Variants in PPP2R1B observed in about 807,000 individuals in gnomAD.
PPP2R1B encodes the protein serine/threonine-protein phosphatase 2A 65 kDa regulatory subunit A beta isoform.
Under a neutral mutation model 72.7 loss-of-function variants are expected in PPP2R1B, and 58 were observed. That is an observed-to-expected ratio of 0.80 (90% CI 0.65 to 0.99). PPP2R1B has a LOEUF of 0.99. PPP2R1B is among the 50% of genes least tolerant of loss of function. PPP2R1B has a pLI of 0.00. For synonymous variants in PPP2R1B, 256 were observed against 264.6 expected (o/e 0.97, Z 0.32); for missense variants, 695 against 733.6 (o/e 0.95, Z 0.61).
chr11:111,748,104 C>T, intron 10 of PPP2R1B, 90 bp from the exon 11 acceptor site: 1 of 1,150,036 alleles, frequency 8.7e-7, no homozygotes, highest in Non-Finnish European at 1.2e-6. Context: ...TACCTGAAGG[C>T]TAAAAAAACT....
chr11:111,690,169 C>A, the PPP2R1B span, among the ~76,000 whole-genome samples: 1,238 of 151,524 alleles, frequency 8.2e-3, 11 homozygotes, highest in Non-Finnish European at 0.014. Context: ...TTATTTCACT[C>A]TTTTTTGCCA....
the PPP2R1B span, among the ~76,000 whole-genome samples, chr11:111,701,800 T>G: frequency 6.6e-6 from 1 of 152,230 alleles, no homozygotes; most frequent in East Asian, 1.9e-4. This position sits in a 1 kb window ranked among gnomAD's most constrained non-coding sequence, Gnocchi z 4.2. Context: ...AAGAGCAGCA[T>G]GTCTTCTCAT....
the PPP2R1B span, among the ~76,000 whole-genome samples, chr11:111,714,534 G>T: frequency 5.3e-5 from 8 of 152,240 alleles, no homozygotes; most frequent in African/African-American, 1.9e-4. Context: ...GTCCAGGAGG[G>T]AGGTGATGAG....
the PPP2R1B span, among the ~76,000 whole-genome samples, chr11:111,694,677 CG>C: frequency 6.6e-6 from 1 of 152,074 alleles, no homozygotes; most frequent in Non-Finnish European, 1.5e-5. Flanking sequence ...ACTAGCATTA[CG>C]TAAAAAGTAA....
downstream of PPP2R1B, among the ~76,000 whole-genome samples, chr11:111,734,895 G>A (rs1944295368): frequency 6.6e-6 from 1 of 152,232 alleles, no homozygotes; most frequent in African/African-American, 2.4e-5. Flanking sequence ...AGATGCTAGA[G>A]GCTGGCTCTA....
At chr11:111,762,674 T>C (rs1215332731) in intron 3 of PPP2R1B, among the ~76,000 whole-genome samples, 1 of 151,438 alleles carries the variant, frequency 6.6e-6, no homozygotes, top group Non-Finnish European at 1.5e-5. Context: ...GCGTCCCGAA[T>C]AGCTAGGACT....
At chr11:111,713,233 G>T in the PPP2R1B span, among the ~76,000 whole-genome samples, 621 of 152,272 alleles carry the variant, frequency 4.1e-3, 5 homozygotes, top group African/African-American at 0.014. Flanking sequence ...GGATACAGAA[G>T]ATGACAGCTT....
At chr11:111,704,796 A>C in the PPP2R1B span, among the ~76,000 whole-genome samples, 1 of 152,208 alleles carries the variant, frequency 6.6e-6, no homozygotes, top group Non-Finnish European at 1.5e-5. Context: ...TCCTTTATAT[A>C]ATTAATACTA....
the PPP2R1B span, among the ~76,000 whole-genome samples, chr11:111,698,355 C>T: frequency 4.6e-5 from 7 of 152,336 alleles, no homozygotes; most frequent in East Asian, 1.3e-3. Flanking sequence ...ACCTTCTTGA[C>T]AGGCCTCTGT....
Position 111,764,879 on chromosome 11 carries a change from G to C in PPP2R1B, c.232C>G (p.Leu78Val), listed in dbSNP as rs1555052522. The stretch of plus-strand genomic sequence containing the variant: ...CCCAGCTGCTCAGCAAGAGCTAATA[G>C]TACCTCATCTTCATCATAAATTGTA... ...TDTIYDEDEV[L>V]LALAEQLGNF... is the part of the protein sequence containing the mutation. Residue 78 changes from leucine to valine, a missense_variant, in exon 3 of 15, where the codon CTA (leucine) becomes GTA (valine). By Grantham distance (32) the Leu-to-Val change is conservative. Coordinates refer to ENST00000527614, the MANE Select transcript of PPP2R1B (RefSeq NM_002716.5). 6.2e-7 allele frequency: 1 copy of C among 1,613,886 alleles called. No individual in the cohort carries two copies. The highest frequency in any genetic ancestry group is 1.3e-5 in the African/African-American group (1 of 74,930).
chr11:111,712,184 A>G, the PPP2R1B span: 1 of 1,606,118 alleles, frequency 6.2e-7, no homozygotes, highest in African/African-American at 1.3e-5. Context: ...CATGTTCCCA[A>G]ACTGTCTGTT....
chr11:111,756,025 G>A (rs1229568017), intron 5 of PPP2R1B, among the ~76,000 whole-genome samples: 10 of 151,822 alleles, frequency 6.6e-5, no homozygotes, highest in Non-Finnish European at 1.0e-4. Flanking sequence ...TAGCTAACAC[G>A]GTGAAACCCC....
chr11:111,695,828 C>T, the PPP2R1B span, among the ~76,000 whole-genome samples: 1 of 152,200 alleles, frequency 6.6e-6, no homozygotes, highest in African/African-American at 2.4e-5. Context: ...AGCTTATTTA[C>T]TCTATGCAAG....
chr11:111,715,793 CTTTTTTTTTTTTTTT>C, the PPP2R1B span, among the ~76,000 whole-genome samples: 1 of 81,580 alleles, frequency 1.2e-5, no homozygotes, highest in African/African-American at 4.9e-5. Context: ...TCATTTTTAG[CTTTTTTTTTTTTTTT>C]TTTTTTTTTT....
chr11:111,712,124 GGAA>G, the PPP2R1B span: 2 of 1,312,434 alleles, frequency 1.5e-6, no homozygotes, highest in Non-Finnish European at 2.1e-6. Context: ...AATTGCCACA[GGAA>G]GAATTATTTT....
At position 111,742,555 on chromosome 11, in the gene PPP2R1B, A is replaced by C. The variant is rs1451377769; in HGVS notation, c.1665T>G (p.Ser555=). 3.7e-6 allele frequency: 6 copies of C among 1,613,624 alleles called. No individual in the cohort carries two copies. Among genetic ancestry groups the C allele is most frequent in the Non-Finnish European group, 4.2e-6 (5 of 1,179,904 alleles). The change falls in exon 13 of 15, where the codon TCT becomes TCG. Residue 555 remains serine (S), a synonymous_variant. Transcript: ENST00000527614. ...CTAGAATTGGTCCAATCTTTTGTAGAGATTTGGCCACATTGAAGCGAACAT... is the reference window on the plus strand; with the variant it reads ...CTAGAATTGGTCCAATCTTTTGTAGCGATTTGGCCACATTGAAGCGAACAT... ...VANVRFNVAK[S]LQKIGPILDT...
the PPP2R1B span, among the ~76,000 whole-genome samples, chr11:111,719,091 T>A: frequency 6.6e-6 from 1 of 152,234 alleles, no homozygotes; most frequent in Non-Finnish European, 1.5e-5. Context: ...TGGGGCTTAT[T>A]AGCCTCTGCT....
chr11:111,737,359 T>C, downstream of PPP2R1B: 2 of 1,589,352 alleles, frequency 1.3e-6, no homozygotes, highest in East Asian at 4.5e-5. Flanking sequence ...CTTCTCCGCC[T>C]ACCCTGTGGC....
At position 111,741,377 on chromosome 11, in the gene PPP2R1B, G is replaced by T; in HGVS notation, c.*219C>A. On this transcript the variant is annotated 3_prime_UTR_variant, in exon 15 of 15. Transcript: ENST00000527614. ...TCAAGTGTCAGGAATTGGTCAATAA[G>T]AACGGCTTAAATAATGATTTAACAA... The T allele has an allele frequency of 8.7e-6, 12 of 1,381,062 alleles. No homozygotes were observed. Among genetic ancestry groups the T allele is most frequent in the Non-Finnish European group, 1.0e-5 (11 of 1,071,002 alleles). The allele number at this position is 1,381,062 out of a possible 1,614,324, so 85.6% of individuals were successfully genotyped here. A position where few individuals can be genotyped will look rare whatever the true frequency, so the allele number is the denominator to read the frequency against.
Sources: allele counts gnomAD v4.1 joint callset (sites outside exome capture counted in the v4.1 genomes callset), GRCh38; gene constraint gnomAD v4.1.1; non-coding constraint Gnocchi (gnomAD v3.1); transcripts MANE v1.5; gene names NCBI Gene and HGNC (gene_info 2026-07-23, HGNC 2026-07-21).